The following P3H2 variants were observed in gnomAD, a reference collection of about 807,000 sequenced individuals.
P3H2 encodes leprecan-like 1.
Under a neutral mutation model 87.0 loss-of-function variants are expected in P3H2, and 80 were observed. The ratio of observed to expected loss-of-function variants is 0.92; its 90% confidence interval spans 0.77 to 1.11. The LOEUF (loss-of-function observed/expected upper bound fraction) is 1.11. Ranked by LOEUF, P3H2 falls within the 50% of genes least tolerant of loss-of-function variation. The probability of loss-of-function intolerance (pLI) is 0.00; values close to 1 mark genes in which losing one functional copy is unlikely to be tolerated. For missense variants in P3H2, 1,001 were observed against 923.9 expected (o/e 1.08, Z -1.08); for synonymous variants, 367 against 359.3 (o/e 1.02, Z -0.24).
chr3:190,034,242 T>C (rs991872431), intron 1 of P3H2, among the ~76,000 whole-genome samples: 1 of 106,380 alleles, frequency 9.4e-6, no homozygotes, highest in Non-Finnish European at 2.2e-5. Flanking sequence ...TCATAAACTC[T>C]GTCAAAAGTC....
At chr3:190,058,109 T>TA (rs1402670845) in intron 1 of P3H2, among the ~76,000 whole-genome samples, 2 of 152,112 alleles carry the variant, frequency 1.3e-5, no homozygotes, top group African/African-American at 4.8e-5. Context: ...AAAATCCCAA[T>TA]ATCACCTCAG....
chr3:190,064,792 C>A (rs1214824815), intron 1 of P3H2, among the ~76,000 whole-genome samples: 1 of 152,136 alleles, frequency 6.6e-6, no homozygotes, highest in Non-Finnish European at 1.5e-5. Flanking sequence ...CTGTCTTAAG[C>A]ATTTTCCTGG....
rs762139528 is a variant in P3H2 at position 189,966,703 on chromosome 3, TTA to T, written c.1894-2607_1894-2606del. Among the ~76,000 whole-genome samples the T allele has an allele frequency of 3.0e-3, 458 of 152,336 alleles. 2 individuals are homozygous for T. The highest frequency in any genetic ancestry group is 0.018 in the South Asian group (86 of 4,824). On this transcript the variant is annotated intron_variant, in intron 13 of 14. Coordinates refer to ENST00000319332, the MANE Select transcript of P3H2 (RefSeq NM_018192.4). The stretch of plus-strand genomic sequence containing the variant: ...TTTTTCATGAAACAAATGGAACTCA[TTA>T]AATTTTATCTTCTTTGAACCTGCAC...
At chr3:190,097,160 T>C (rs1727613041) in intron 1 of P3H2, among the ~76,000 whole-genome samples, 1 of 152,182 alleles carries the variant, frequency 6.6e-6, no homozygotes, top group South Asian at 2.1e-4. Context: ...AATGCAAACA[T>C]GAGAGGTGAT....
At chr3:190,003,594 T>C (rs1724287310) in intron 1 of P3H2, among the ~76,000 whole-genome samples, 1 of 152,188 alleles carries the variant, frequency 6.6e-6, no homozygotes, top group African/African-American at 2.4e-5. Flanking sequence ...TCTAACTTCC[T>C]ACCAAGGGAA....
chr3:190,018,525 T>C (rs1451454270), intron 1 of P3H2, among the ~76,000 whole-genome samples: 2 of 151,938 alleles, frequency 1.3e-5, no homozygotes, highest in Non-Finnish European at 2.9e-5. Context: ...TTGGGCAACA[T>C]AGCAAGACCA....
intron 8 of P3H2, among the ~76,000 whole-genome samples, chr3:189,974,979 G>C (rs1033050296): frequency 6.6e-6 from 1 of 152,064 alleles, no homozygotes; most frequent in African/African-American, 2.4e-5. Context: ...AAAGTCGACT[G>C]GGCATCTCAT....
intron 1 of P3H2, among the ~76,000 whole-genome samples, chr3:190,071,494 CA>C: frequency 6.6e-6 from 1 of 152,232 alleles, no homozygotes; most frequent in East Asian, 1.9e-4. Flanking sequence ...CCACTATAAA[CA>C]GTAGCAGAAA....
At chr3:190,018,826 C>T (rs1724848726) in intron 1 of P3H2, among the ~76,000 whole-genome samples, 1 of 152,156 alleles carries the variant, frequency 6.6e-6, no homozygotes, top group Non-Finnish European at 1.5e-5. Context: ...TTTATGTATG[C>T]CCCACTTAAG....
intron 1 of P3H2, among the ~76,000 whole-genome samples, chr3:190,037,924 G>A (rs1177744690): frequency 6.6e-6 from 1 of 151,720 alleles, no homozygotes; most frequent in Non-Finnish European, 1.5e-5. Context: ...TTTGTACAAA[G>A]CCACTCTCCT....
At chr3:189,987,010 G>A (rs1302449711) in intron 5 of P3H2, 133 bp from the exon 6 acceptor site, 1 of 679,080 alleles carries the variant, frequency 1.5e-6, no homozygotes, top group Non-Finnish European at 2.6e-6. Flanking sequence ...TGCAAGACTT[G>A]GCCCCATCTC....
intron 1 of P3H2, among the ~76,000 whole-genome samples, chr3:190,087,543 CA>C (rs1275653964): frequency 0.039 from 2,654 of 68,886 alleles, 24 homozygotes; most frequent in African/African-American, 0.11. Flanking sequence ...GACTACATCT[CA>C]AAAAAAAAAA....
At chr3:190,089,411 A>G (rs1161379273) in intron 1 of P3H2, among the ~76,000 whole-genome samples, 1 of 152,244 alleles carries the variant, frequency 6.6e-6, no homozygotes, top group Non-Finnish European at 1.5e-5. Context: ...AGATGTTGAA[A>G]TTTCACCAAA....
At chr3:189,960,206 GC>G (rs1722770653) in intron 14 of P3H2, among the ~76,000 whole-genome samples, 2 of 152,082 alleles carry the variant, frequency 1.3e-5, no homozygotes, top group African/African-American at 4.8e-5. Context: ...GTTTGGCGAG[GC>G]CTCACAATTT....
Position 190,120,525 on chromosome 3 carries a change from C to T in P3H2, c.207G>A (p.Ala69=), listed in dbSNP as rs916418653. The T allele has an allele frequency of 2.0e-6, 3 of 1,488,822 alleles. No individual in the cohort carries two copies. The highest frequency in any genetic ancestry group is 2.7e-6 in the Non-Finnish European group (3 of 1,127,096). The allele number at this position is 1,488,822 out of a possible 1,614,324, so 92.2% of individuals were successfully genotyped here. A position where few individuals can be genotyped will look rare whatever the true frequency, so the allele number is the denominator to read the frequency against. Residue 69 remains alanine (A), a synonymous_variant, in exon 1 of 15, where the codon GCG becomes GCA. Coordinates refer to ENST00000319332, the MANE Select transcript of P3H2 (RefSeq NM_018192.4). ...DYERAVRDLE[A]ALRSHRRLRE... is the part of the protein sequence containing the mutation. ...GCAGGCGCCGGTGGCTGCGCAGCGC[C>T]GCTTCCAAGTCGCGCACCGCTCGCT...
chr3:190,035,792 G>A (rs1251158266), intron 1 of P3H2, among the ~76,000 whole-genome samples: 1 of 152,114 alleles, frequency 6.6e-6, no homozygotes, highest in Non-Finnish European at 1.5e-5. Context: ...CTGCTTGGGG[G>A]ATTTAAAGCA....
chr3:190,062,567 T>C (rs1726366310), intron 1 of P3H2, among the ~76,000 whole-genome samples: 1 of 152,172 alleles, frequency 6.6e-6, no homozygotes. Flanking sequence ...TTAATAGGTG[T>C]CCAGTGAATA....
chr3:190,029,002 C>T (rs954470606), intron 1 of P3H2, among the ~76,000 whole-genome samples: 3 of 152,096 alleles, frequency 2.0e-5, no homozygotes, highest in African/African-American at 7.2e-5. Context: ...GAGGTAGAAA[C>T]CCTGAATTTA....
Position 190,020,662 on chromosome 3 carries a change from G to A in P3H2, c.481-25220C>T, listed in dbSNP as rs1405532535. 1.5e-5 allele frequency among the ~76,000 whole-genome samples: 2 copies of A among 133,556 alleles called. 1 individual carries two copies. The highest frequency in any genetic ancestry group is 3.3e-5 in the Non-Finnish European group (2 of 60,026). The allele number at this position is 133,556 out of a possible 152,430, so 87.6% of individuals were successfully genotyped here. A position where few individuals can be genotyped will look rare whatever the true frequency, so the allele number is the denominator to read the frequency against. ...AAGTTAAATAGGGTCACAGTTTAGC[G>A]TGGGTCTCTAGGGTGAAGCCCATCC... On this transcript the variant is annotated intron_variant, in intron 1 of 14. Coordinates refer to ENST00000319332, the MANE Select transcript of P3H2 (RefSeq NM_018192.4).
Sources: allele counts gnomAD v4.1 joint callset (sites outside exome capture counted in the v4.1 genomes callset), GRCh38; gene constraint gnomAD v4.1.1; transcripts MANE v1.5; gene names NCBI Gene and HGNC (gene_info 2026-07-23, HGNC 2026-07-21).